The following TNXB variants were observed in gnomAD, a reference collection of about 807,000 sequenced individuals.
The protein encoded by TNXB is tenascin XB, also known as tenascin-X.
In TNXB, 183 loss-of-function variants were observed where a neutral mutation model predicts 340.5. The ratio of observed to expected loss-of-function variants is 0.54; its 90% CI spans 0.48 to 0.61. The LOEUF (loss-of-function observed/expected upper bound fraction) is 0.61, where lower values mean the gene tolerates loss of function less well. TNXB is among the 20% of genes least tolerant of loss of function. The pLI, the probability that TNXB is intolerant of heterozygous loss-of-function variation, is 0.00. For synonymous variants in TNXB, 2,121 were observed against 2,314.5 expected, an observed-to-expected ratio of 0.92 and a Z score of 2.40; for missense variants, 4,613 against 5,446.4, an observed-to-expected ratio of 0.85 and a Z score of 4.82.
chr6:32,071,578 C>CAT (rs35034919), intron 13 of TNXB, among the ~76,000 whole-genome samples: 1 of 139,958 alleles, frequency 7.1e-6, no homozygotes, highest in Admixed American at 7.2e-5. Context: ...GCTTTTCTTT[C>CAT]TTTTTTTTTT....
In TNXB at chr6:32,048,016, G is replaced by A. The variant is rs41267134; in HGVS notation, c.10046-4C>T. ...GGAGACGGTTTGGTGTCTGGGGCTG[G>A]AAAAGACAGTGAGGTGCATGGAGAG... is the stretch of plus-strand genomic sequence containing the variant. On this transcript the variant is annotated splice_region_variant and splice_polypyrimidine_tract_variant and intron_variant, in intron 29 of 43. Coordinates refer to ENST00000644971, the MANE Select transcript of TNXB (RefSeq NM_001365276.2). 3,090 of 1,606,612 alleles carry A rather than the reference G, an allele frequency of 1.9e-3. 6 individuals are homozygous for A. Among genetic ancestry groups the A allele is most frequent in the Non-Finnish European group, 2.4e-3 (2,853 of 1,176,248 alleles).
intron 11 of TNXB, among the ~76,000 whole-genome samples, chr6:32,077,703 C>G (rs1779155176): frequency 6.6e-6 from 1 of 152,196 alleles, no homozygotes; most frequent in Non-Finnish European, 1.5e-5. Context: ...TTCTTCTTTG[C>G]TGTAAAGTCA....
In TNXB at chr6:32,082,656, C is replaced by T. The variant is rs1306288868; in HGVS notation, c.3446-330G>A. 6.6e-6 allele frequency among the ~76,000 whole-genome samples: 1 copy of T among 152,192 alleles called. No homozygotes were observed. Among genetic ancestry groups the T allele is most frequent in the East Asian group, 1.9e-4 (1 of 5,190 alleles). The stretch of plus-strand genomic sequence containing the variant: ...AGGGGAGCCCAGCCAGGCCCTTTCA[C>T]ATCTCCATAGCCAGGGAAATCTTCC... On this transcript the variant is annotated intron_variant, in intron 8 of 43. Coordinates refer to ENST00000644971, the MANE Select transcript of TNXB (RefSeq NM_001365276.2). The surrounding 1 kb of genome is among the most constrained non-coding windows in gnomAD (Gnocchi z 5.0).
intron 25 of TNXB, 71 bp downstream of exon 25, chr6:32,053,317 A>C: frequency 6.4e-7 from 1 of 1,553,328 alleles, no homozygotes; most frequent in Non-Finnish European, 8.7e-7. Flanking sequence ...TTCCTGGGCC[A>C]GTTCACCCAT....
At position 32,048,363 on chromosome 6, in the gene TNXB, C is replaced by G. The variant is rs529527925; in HGVS notation, c.10045G>C (p.Ala3349Pro). 1.3e-4 allele frequency: 189 copies of G among 1,474,874 alleles called. No individual in the cohort carries two copies. The East Asian group carries it at 3.0e-3, about 24-fold the overall frequency. 91.4% of individuals were successfully genotyped at this position (1,474,874 alleles called of 1,614,324 possible). The change falls in exon 29 of 44, where the codon GCC becomes CCC. Residue 3349 changes from alanine to proline, a missense_variant and splice_region_variant. Ala to Pro is a conservative substitution (Grantham distance 27). Around this residue, in one of 7 missense-constraint regions of TNXB, gnomAD observed 4,327 missense variants for 4,859.4 expected, o/e 0.89. Coordinates refer to ENST00000644971, the MANE Select transcript of TNXB (RefSeq NM_001365276.2). ...HGPVPVEART[A>P]PDTKPSPRLG... ...CGGGAGGCCTCCAGCCCTCACTCAC[C>G]GGTCCTGGCCTCCACAGGGACTGGG...
intron 23 of TNXB, among the ~76,000 whole-genome samples, 163 bp downstream of exon 23, chr6:32,056,423 G>A (rs1777646106): frequency 6.6e-6 from 1 of 152,090 alleles, no homozygotes; most frequent in Non-Finnish European, 1.5e-5. Flanking sequence ...TGCTCAGGAG[G>A]AGCCAGGGGT....
At position 32,082,916 on chromosome 6, in the gene TNXB, C is replaced by A. The variant is rs1302656452; in HGVS notation, c.3446-590G>T. Among the ~76,000 whole-genome samples the A allele has an allele frequency of 6.6e-6, 1 of 152,138 alleles. No individual in the cohort carries two copies. The highest frequency in any genetic ancestry group is 2.4e-5 in the African/African-American group (1 of 41,392). On this transcript the variant is annotated intron_variant, in intron 8 of 43. Coordinates refer to ENST00000644971, the MANE Select transcript of TNXB (RefSeq NM_001365276.2). The surrounding 1 kb of genome is among the most constrained non-coding windows in gnomAD (Gnocchi z 5.0). ...TTCAACAAGCTACTGTCACACCCCT[C>A]CTCACCCCCACTCTGTGTGCATCTC...
intron 11 of TNXB, among the ~76,000 whole-genome samples, chr6:32,078,077 A>C (rs868715428): frequency 4.1e-5 from 2 of 49,020 alleles, no homozygotes; most frequent in Non-Finnish European, 8.0e-5. Context: ...AAGAAAGAGA[A>C]AGAAAGAAAG....
At position 32,056,177 on chromosome 6, in the gene TNXB, G is replaced by A. The variant is rs376342058; in HGVS notation, c.8144-3C>T. On this transcript the variant is annotated splice_region_variant and splice_polypyrimidine_tract_variant and intron_variant, in intron 23 of 43. Coordinates refer to ENST00000644971, the MANE Select transcript of TNXB (RefSeq NM_001365276.2). ...GCTGGGGGTCTCTTCCTCTGCAGCT[G>A]AGAAAAGGAGATATAGAGAGGATGC... 29 of 1,610,284 alleles carry A rather than the reference G, an allele frequency of 1.8e-5. No homozygotes were observed. The highest frequency in any genetic ancestry group is 1.6e-4 in the Middle Eastern group (1 of 6,080).
chr6:32,092,148 G>A (rs1045351365), intron 4 of TNXB, among the ~76,000 whole-genome samples: 3 of 152,162 alleles, frequency 2.0e-5, no homozygotes, highest in African/African-American at 7.2e-5. Context: ...GAATCACCTG[G>A]AGGGCTTGTT....
At chr6:32,050,941 C>G (rs1457495993) in intron 26 of TNXB, among the ~76,000 whole-genome samples, 1 of 152,208 alleles carries the variant, frequency 6.6e-6, no homozygotes, top group East Asian at 1.9e-4. Context: ...GGCACAGCTG[C>G]TGGGGCCATC....
intron 24 of TNXB, among the ~76,000 whole-genome samples, chr6:32,055,091 C>A (rs893474784): frequency 5.3e-5 from 8 of 152,174 alleles, no homozygotes; most frequent in Non-Finnish European, 1.0e-4. Flanking sequence ...TCTAGTTGAC[C>A]TCCCCAAAGA....
chr6:32,095,031 G>C, intron 4 of TNXB, 45 bp downstream of exon 4: 2 of 1,487,436 alleles, frequency 1.3e-6, no homozygotes, highest in Non-Finnish European at 1.8e-6. Context: ...CTGCCCCCCT[G>C]TCCTGCCCAC....
Position 32,097,148 on chromosome 6 carries a change from GCACACA to G in TNXB, c.699_704del (p.Val234_Cys235del), listed in dbSNP as rs150957138. 6.2e-7 allele frequency: 1 copy of G among 1,600,122 alleles called. No homozygotes were observed. The highest frequency in any genetic ancestry group is 1.7e-5 in the Admixed American group (1 of 57,476). On this transcript the variant is annotated inframe_deletion, in exon 3 of 44. Transcript: ENST00000644971. This position sits in a 1 kb window ranked among gnomAD's most constrained non-coding sequence, Gnocchi z 5.9. ...AGTCGGGGCCTGAGAAGCCTGCCCG[GCACACA>G]CACACGCCCTGCACGCAGCGCCCAC... is the stretch of plus-strand genomic sequence containing the variant.
Position 32,048,354 on chromosome 6 carries a change from C to G in TNXB, c.10045+9G>C. 1 of 1,477,262 alleles carries G rather than the reference C, an allele frequency of 6.8e-7. No individual in the cohort carries two copies. Among genetic ancestry groups the G allele is most frequent in the Non-Finnish European group, 9.0e-7 (1 of 1,111,868 alleles). The allele number at this position is 1,477,262 out of a possible 1,614,324, so 91.5% of individuals were successfully genotyped here. Reference sequence around the variant, plus strand: ...CTCTGGCCGCGGGAGGCCTCCAGCCCTCACTCACCGGTCCTGGCCTCCACA... The same window carrying G: ...CTCTGGCCGCGGGAGGCCTCCAGCCGTCACTCACCGGTCCTGGCCTCCACA... On this transcript the variant is annotated intron_variant, in intron 29 of 43. Transcript: ENST00000644971.
In TNXB at chr6:32,097,751, C is replaced by A; in HGVS notation, c.403+45G>T. On this transcript the variant is annotated intron_variant, in intron 2 of 43. Coordinates refer to ENST00000644971, the MANE Select transcript of TNXB (RefSeq NM_001365276.2). The surrounding 1 kb of genome is among the most constrained non-coding windows in gnomAD (Gnocchi z 5.9). ...AGGACCTTTATGGACTAGCAATGCCCACCCCACCCCACCTCTCCACCCTCT... is the reference window on the plus strand; with the variant it reads ...AGGACCTTTATGGACTAGCAATGCCAACCCCACCCCACCTCTCCACCCTCT... The A allele has an allele frequency of 6.7e-7, 1 of 1,490,598 alleles. No individual in the cohort carries two copies. Among genetic ancestry groups the A allele is most frequent in the South Asian group, 1.5e-5 (1 of 68,936 alleles). 92.3% of individuals were successfully genotyped at this position (1,490,598 alleles called of 1,614,324 possible). A position where few individuals can be genotyped will look rare whatever the true frequency, so the allele number is the denominator to read the frequency against.
chr6:32,097,530 C>T lies in TNXB; in HGVS notation c.404-81G>A, dbSNP rs1333615100. On this transcript the variant is annotated intron_variant, in intron 2 of 43. Transcript: ENST00000644971. This position sits in a 1 kb window ranked among gnomAD's most constrained non-coding sequence, Gnocchi z 5.9. Reference sequence around the variant, plus strand: ...CCTATGTAGTGCTCCTATGTGCAGGCCCCTAGCCAGGCTAGCCTCATCTCA... The same window carrying T: ...CCTATGTAGTGCTCCTATGTGCAGGTCCCTAGCCAGGCTAGCCTCATCTCA... 13 of 1,491,716 alleles carry T rather than the reference C, an allele frequency of 8.7e-6. No homozygotes were observed. Among genetic ancestry groups the T allele is most frequent in the Non-Finnish European group, 1.2e-5 (13 of 1,116,944 alleles). The allele number at this position is 1,491,716 out of a possible 1,614,324, so 92.4% of individuals were successfully genotyped here.
rs764100849 is a variant in TNXB at position 32,072,054 on chromosome 6, C to G, written c.4926G>C (p.Lys1642Asn). 42 of 1,612,328 alleles carry G rather than the reference C, an allele frequency of 2.6e-5. No individual in the cohort carries two copies. The highest frequency in any genetic ancestry group is 3.6e-5 in the Non-Finnish European group (42 of 1,179,294). The change falls in exon 13 of 44, where the codon AAG becomes AAC. Residue 1642 changes from lysine to asparagine, a missense_variant. Lys to Asn is a moderately conservative substitution (Grantham distance 94, BLOSUM62 0). Around this residue, in one of 7 missense-constraint regions of TNXB, gnomAD observed 4,327 missense variants for 4,859.4 expected, o/e 0.89. Coordinates refer to ENST00000644971, the MANE Select transcript of TNXB (RefSeq NM_001365276.2). The surrounding 1 kb of genome is among the most constrained non-coding windows in gnomAD (Gnocchi z 4.4). ...CATCCTGGATCCCAAAGAGCAGGAA[C>G]TTGTACTTGCGGGAGGGTTCCAGGT... ...IPDLEPSRKY[K>N]FLLFGIQDGK...
Position 32,053,577 on chromosome 6 carries a change from C to A in TNXB, c.8602G>T (p.Glu2868Ter). Reference sequence around the variant, plus strand: ...ACCAGGAAGTGGTCAAACTGGCCCTCGGGGACCATCCAGGACAGGCTGAGG... The same window carrying A: ...ACCAGGAAGTGGTCAAACTGGCCCTAGGGGACCATCCAGGACAGGCTGAGG... ...DSLSLSWMVP[E>*]GQFDHFLVQY... Residue 2868 changes from glutamate (E) to a stop codon, truncating the protein, a stop_gained, in exon 25 of 44, where the codon GAG (glutamate) becomes TAG (stop). Coordinates refer to ENST00000644971, the MANE Select transcript of TNXB (RefSeq NM_001365276.2). LOFTEE classifies it high-confidence loss of function. 6.2e-7 allele frequency: 1 copy of A among 1,613,660 alleles called. No homozygotes were observed. The highest frequency in any genetic ancestry group is 2.2e-5 in the East Asian group (1 of 44,872).
Sources: gnomAD v4.1 joint callset for allele counts (sites outside exome capture counted in the v4.1 genomes callset) on GRCh38, gnomAD v4.1.1 for gene constraint, gnomAD v4.1.1 regional missense constraint, Gnocchi (gnomAD v3.1) non-coding constraint, MANE v1.5 for transcripts, NCBI Gene and HGNC (gene_info 2026-07-23, HGNC 2026-07-21) for gene names.